The following HECTD2 variants were observed in gnomAD, a reference collection of about 807,000 sequenced individuals.
The protein encoded by HECTD2 is HECT domain E3 ubiquitin protein ligase 2, also known as probable E3 ubiquitin-protein ligase HECTD2.
A neutral mutation model predicts 103.2 loss-of-function variants in HECTD2; 35 were observed. The ratio of observed to expected loss-of-function variants is 0.34; its 90% CI spans 0.26 to 0.45. The LOEUF (loss-of-function observed/expected upper bound fraction) is 0.45, where lower values mean the gene tolerates loss of function less well. Ranked by LOEUF, HECTD2 falls within the 20% of genes least tolerant of loss-of-function variation. The probability of loss-of-function intolerance (pLI) is 1.00; values close to 1 mark genes in which losing one functional copy is unlikely to be tolerated. For synonymous variants in HECTD2, 281 were observed against 329.9 expected, an observed-to-expected ratio of 0.85 and a Z score of 1.61; for missense variants, 596 against 937.4, an observed-to-expected ratio of 0.64 and a Z score of 4.76.
chr10:91,482,289 T>G (rs994483992), intron 7 of HECTD2, among the ~76,000 whole-genome samples: 20 of 152,044 alleles, frequency 1.3e-4, no homozygotes, highest in Admixed American at 7.2e-4. Flanking sequence ...TCAATAATAT[T>G]TATTTTTTCC....
At chr10:91,492,258 T>C in intron 12 of HECTD2, 94 bp from the exon 13 acceptor site, 1 of 1,206,002 alleles carries the variant, frequency 8.3e-7, no homozygotes, top group South Asian at 1.3e-5. Context: ...TGCAAATAAG[T>C]TAAAGACTGC....
chr10:91,508,816 C>A (rs1245126127), intron 20 of HECTD2, among the ~76,000 whole-genome samples: 1 of 152,024 alleles, frequency 6.6e-6, no homozygotes. Flanking sequence ...TATAAAGACA[C>A]AGGCACACAT....
chr10:91,430,973 C>T (rs928936803), intron 2 of HECTD2, among the ~76,000 whole-genome samples: 1 of 151,310 alleles, frequency 6.6e-6, no homozygotes, highest in African/African-American at 2.4e-5. Flanking sequence ...TCTTCCTAGT[C>T]TCGATGGTCT....
intron 1 of HECTD2, among the ~76,000 whole-genome samples, chr10:91,411,870 G>A (rs1462276836): frequency 6.6e-6 from 1 of 152,188 alleles, no homozygotes; most frequent in Non-Finnish European, 1.5e-5. Context: ...TATATAGGAA[G>A]TCTTTAACTC....
intron 1 of HECTD2, among the ~76,000 whole-genome samples, chr10:91,417,029 TTAAC>T (rs1370664287): frequency 6.6e-6 from 1 of 152,210 alleles, no homozygotes; most frequent in Non-Finnish European, 1.5e-5. Flanking sequence ...TGTTTGGAAA[TTAAC>T]TATTTTTAGT....
In HECTD2 at chr10:91,415,853, A is replaced by G. The variant is rs528812985; in HGVS notation, c.138+5277A>G. Among the ~76,000 whole-genome samples the G allele has an allele frequency of 3.3e-5, 5 of 152,356 alleles. No individual in the cohort carries two copies. In the East Asian group the frequency reaches 9.6e-4, roughly 29 times the overall value. On this transcript the variant is annotated intron_variant, in intron 1 of 20. Transcript: ENST00000298068. ...ATTTGCTTTTTTATGGTATGAATAG[A>G]TCATTAAATTATATGTAAAATCAAT...
chr10:91,479,822 C>T (rs1192675216), intron 6 of HECTD2, among the ~76,000 whole-genome samples: 2 of 152,098 alleles, frequency 1.3e-5, no homozygotes, highest in South Asian at 2.1e-4. Flanking sequence ...CTTCTTTTAA[C>T]AAAACTTGGC....
intron 2 of HECTD2, among the ~76,000 whole-genome samples, chr10:91,440,318 GTAGT>G (rs1324098962): frequency 6.6e-6 from 1 of 152,120 alleles, no homozygotes; most frequent in Admixed American, 6.6e-5. Flanking sequence ...GGACTTTTCG[GTAGT>G]TATTGAGAAA....
At chr10:91,501,381 A>G (rs1846893541) in intron 20 of HECTD2, 47 bp downstream of exon 20, 5 of 1,167,344 alleles carry the variant, frequency 4.3e-6, no homozygotes, top group Non-Finnish European at 6.2e-6. Context: ...GGTTACTGCT[A>G]ATACTGCTAA....
chr10:91,466,303 TCC>T (rs1348468038), intron 5 of HECTD2, among the ~76,000 whole-genome samples: 1 of 152,136 alleles, frequency 6.6e-6, no homozygotes, highest in African/African-American at 2.4e-5. Context: ...TTTTCTCACT[TCC>T]TTTTGTGATT....
At chr10:91,475,630 A>C (rs1223503384) in intron 5 of HECTD2, among the ~76,000 whole-genome samples, 1 of 152,234 alleles carries the variant, frequency 6.6e-6, no homozygotes, top group Non-Finnish European at 1.5e-5. Flanking sequence ...TTCACTATGA[A>C]GGGAAGCAGA....
At chr10:91,507,254 AG>A (rs1274749947) in intron 20 of HECTD2, among the ~76,000 whole-genome samples, 1 of 151,170 alleles carries the variant, frequency 6.6e-6, no homozygotes, top group Middle Eastern at 3.2e-3. Flanking sequence ...TATTCAACAT[AG>A]TGTTGGAAGT....
intron 3 of HECTD2, 86 bp from the exon 4 acceptor site, chr10:91,461,168 G>A: frequency 1.6e-6 from 1 of 616,224 alleles, no homozygotes; most frequent in South Asian, 2.4e-5. Flanking sequence ...ATTTTGTATT[G>A]CATGTTTGGT....
chr10:91,427,097 G>A (rs1385115712), intron 2 of HECTD2, among the ~76,000 whole-genome samples: 8 of 145,636 alleles, frequency 5.5e-5, no homozygotes, highest in Non-Finnish European at 9.0e-5. Context: ...GAGAACATGC[G>A]GTGTTTGGTT....
At chr10:91,420,428 A>G (rs1017129704) in intron 1 of HECTD2, among the ~76,000 whole-genome samples, 1 of 133,916 alleles carries the variant, frequency 7.5e-6, no homozygotes, top group African/African-American at 3.9e-5. Context: ...TACTAAGAAT[A>G]CAAAAAAAAA....
chr10:91,415,008 G>A (rs891778189), intron 1 of HECTD2, among the ~76,000 whole-genome samples: 1 of 152,204 alleles, frequency 6.6e-6, no homozygotes, highest in Admixed American at 6.5e-5. Context: ...AAAGAGCTTT[G>A]TAGCTCATGC....
In HECTD2 at chr10:91,514,704, CTGTAT is replaced by C. The variant is rs1468568592; in HGVS notation, c.*2327_*2331del. On this transcript the variant is annotated 3_prime_UTR_variant, in exon 21 of 21. Transcript: ENST00000298068. ...TACGTCCTTCCTTTTTTGTACAAATCTGTATTGTATTAATTTCTGGATGCAATTTT... is the reference window on the plus strand; with the variant it reads ...TACGTCCTTCCTTTTTTGTACAAATCTGTATTAATTTCTGGATGCAATTTT... 8 of 152,408 alleles carry C rather than the reference CTGTAT, an allele frequency of 5.2e-5. No individual in the cohort carries two copies. The highest frequency in any genetic ancestry group is 4.8e-5 in the African/African-American group (2 of 41,384). 9.4% of individuals were successfully genotyped at this position (152,408 alleles called of 1,614,324 possible). A position where few individuals can be genotyped will look rare whatever the true frequency, so the allele number is the denominator to read the frequency against.
intron 1 of HECTD2, among the ~76,000 whole-genome samples, chr10:91,410,940 A>G (rs893335900): frequency 2.0e-5 from 3 of 152,116 alleles, no homozygotes; most frequent in Non-Finnish European, 4.4e-5. Flanking sequence ...TGGGTTTTCC[A>G]CGGAGGTGCC....
chr10:91,431,987 C>T (rs748144200), intron 2 of HECTD2, among the ~76,000 whole-genome samples: 1 of 151,876 alleles, frequency 6.6e-6, no homozygotes, highest in Non-Finnish European at 1.5e-5. Flanking sequence ...TTTTAGCAGA[C>T]TTCCTTTATC....
Sources: gnomAD v4.1 joint callset for allele counts (sites outside exome capture counted in the v4.1 genomes callset) on GRCh38, gnomAD v4.1.1 for gene constraint, MANE v1.5 for transcripts, NCBI Gene and HGNC (gene_info 2026-07-23, HGNC 2026-07-21) for gene names.